Variants in LRIG3 observed in about 807,000 individuals in gnomAD.
LRIG3 encodes the protein leucine rich repeats and immunoglobulin like domains 3, also known as leucine-rich repeats and immunoglobulin-like domains protein 3.
In LRIG3, 76 loss-of-function variants were observed where a neutral mutation model predicts 114.5. The observed-to-expected ratio is 0.66, with a 90% confidence interval of 0.55 to 0.80. The LOEUF is 0.80. Ranked by LOEUF, LRIG3 falls within the 30% of genes least tolerant of loss-of-function variation. The pLI is 0.00. For missense variants in LRIG3, 1,239 were observed against 1,382.8 expected (o/e 0.90, Z 1.65); for synonymous variants, 512 against 519.8 (o/e 0.98, Z 0.20).
intron 1 of LRIG3, chr12:58,914,689 A>T: frequency 5.4e-6 from 1 of 186,820 alleles, no homozygotes; most frequent in Non-Finnish European, 1.1e-5. Flanking sequence ...AAAAGGAGCT[A>T]ATTAGGCAGG....
rs1197966275 is a variant in LRIG3 at position 58,879,014 on chromosome 12, G to A, written c.1893C>T (p.Ala631=). The A allele has an allele frequency of 6.2e-7, 1 of 1,614,162 alleles. No homozygotes were observed. Residue 631 remains alanine, a synonymous_variant, in exon 14 of 19, where the codon GCC becomes GCT. Coordinates refer to ENST00000320743, the MANE Select transcript of LRIG3 (RefSeq NM_153377.5). ...CATCCTTCTGCCAGGCTATCTGGGG[G>A]GCTGGGTGCCCCACAGCAGCACACT... ...RLECAAVGHP[A]PQIAWQKDGG...
Position 58,890,076 on chromosome 12 carries a change from T to C in LRIG3, c.579A>G (p.Thr193=), listed in dbSNP as rs748838619. Residue 193 remains threonine, a synonymous_variant, in exon 5 of 19, where the codon ACA becomes ACG. Transcript: ENST00000320743. Reference sequence around the variant, plus strand: ...TCCTGTTCAGCTTTAACACAAGGAGTGTGTTGGCCAAATTGTCAAAATACC... The same window carrying C: ...TCCTGTTCAGCTTTAACACAAGGAGCGTGTTGGCCAAATTGTCAAAATACC... ...EPGYFDNLAN[T]LLVLKLNRNR... 2.5e-6 allele frequency: 4 copies of C among 1,613,540 alleles called. No individual in the cohort carries two copies. In the Admixed American group the frequency reaches 5.0e-5, roughly 20 times the overall value.
At chr12:58,919,586 C>T in intron 1 of LRIG3, 1 of 1,535,260 alleles carries the variant, frequency 6.5e-7, no homozygotes, top group East Asian at 2.4e-5. Flanking sequence ...CAGCTAGAAA[C>T]TAAAACTGAA....
chr12:58,886,955 G>C, intron 8 of LRIG3, 65 bp from the exon 9 acceptor site: 1 of 1,230,784 alleles, frequency 8.1e-7, no homozygotes, highest in Non-Finnish European at 1.2e-6. Context: ...CACCACCCAG[G>C]TGGCATATCA....
chr12:58,909,768 GT>G, intron 3 of LRIG3, among the ~76,000 whole-genome samples: 1 of 152,354 alleles, frequency 6.6e-6, no homozygotes, highest in South Asian at 2.1e-4. Context: ...GGAGCCAAAA[GT>G]TAATTCCAGG....
In LRIG3 at chr12:58,874,318, T is replaced by C; in HGVS notation, c.2852A>G (p.Asp951Gly). Residue 951 changes from aspartate (D) to glycine (G), a missense_variant, in exon 18 of 19, where the codon GAC becomes GGC. Asp to Gly is a moderately conservative substitution (Grantham distance 94). Coordinates refer to ENST00000320743, the MANE Select transcript of LRIG3 (RefSeq NM_153377.5). ...GTGGTCCATTAAAACTGTTCTTGGG[T>C]CAGGACTGCAACCTTTTTAATATGG... is the stretch of plus-strand genomic sequence containing the variant. ...FETYHTGCSP[D>G]PRTVLMDHYE... is the part of the protein sequence containing the mutation. 6.2e-7 allele frequency: 1 copy of C among 1,610,388 alleles called. No individual in the cohort carries two copies. The highest frequency in any genetic ancestry group is 1.1e-5 in the South Asian group (1 of 90,450).
At position 58,898,918 on chromosome 12, in the gene LRIG3, A is replaced by T. The variant is rs926522459; in HGVS notation, c.384-8122T>A. Among the ~76,000 whole-genome samples the T allele has an allele frequency of 5.9e-5, 9 of 152,248 alleles. No homozygotes were observed. The East Asian group carries it at 1.7e-3, about 29-fold the overall frequency. On this transcript the variant is annotated intron_variant, in intron 3 of 18. Transcript: ENST00000320743. ...ATGATCCGCCTGCCTCAGCCTCCCA[A>T]AGTGCTGGGATTACAGGTGGGAGCC... is the stretch of plus-strand genomic sequence containing the variant.
intron 15 of LRIG3, among the ~76,000 whole-genome samples, chr12:58,877,054 A>G (rs1281358205): frequency 6.6e-6 from 1 of 152,206 alleles, no homozygotes; most frequent in Non-Finnish European, 1.5e-5. Context: ...ACGCACAGAC[A>G]ACAAGACATA....
intron 2 of LRIG3, 97 bp from the exon 3 acceptor site, chr12:58,914,153 C>G: frequency 6.6e-7 from 1 of 1,507,546 alleles, no homozygotes; most frequent in Non-Finnish European, 9.1e-7. Context: ...AGATACCACC[C>G]AAGTTAAAAG....
At chr12:58,887,702 G>A (rs528466192) in intron 8 of LRIG3, 87 bp downstream of exon 8, 2 of 1,422,480 alleles carry the variant, frequency 1.4e-6, no homozygotes, top group South Asian at 2.5e-5. Context: ...GCATTTCCTT[G>A]ACAACAAAGG....
In LRIG3 at chr12:58,879,094, A is replaced by T. The variant is rs1254923614; in HGVS notation, c.1813T>A (p.Phe605Ile). 6.2e-7 allele frequency: 1 copy of T among 1,611,776 alleles called. No homozygotes were observed. The highest frequency in any genetic ancestry group is 1.7e-5 in the Admixed American group (1 of 59,936). ...GTGAGATCCATGGGGGTCTTGGTGA[A>T]TGAGGGAAGCACTGAAATCAGAGAA... ...AKLTVNMLPS[F>I]TKTPMDLTIR... Residue 605 changes from phenylalanine (F) to isoleucine (I), a missense_variant, in exon 14 of 19, where the codon TTC (phenylalanine) becomes ATC (isoleucine). Physicochemically the swap from Phe to Ile is conservative, Grantham distance 21. Transcript: ENST00000320743.
intron 12 of LRIG3, among the ~76,000 whole-genome samples, chr12:58,881,756 C>T (rs1214961293): frequency 3.9e-5 from 6 of 152,164 alleles, no homozygotes; most frequent in Non-Finnish European, 8.8e-5. Flanking sequence ...ATAGGGGATG[C>T]TTTGATAACT....
intron 3 of LRIG3, among the ~76,000 whole-genome samples, chr12:58,900,696 G>A (rs1871814276): frequency 1.3e-5 from 2 of 152,168 alleles, no homozygotes; most frequent in Admixed American, 1.3e-4. Context: ...AGAAAACACT[G>A]CATCAGTTAT....
At chr12:58,873,039 C>T (rs1473285419) in intron 18 of LRIG3, among the ~76,000 whole-genome samples, 1 of 152,190 alleles carries the variant, frequency 6.6e-6, no homozygotes, top group Non-Finnish European at 1.5e-5. Context: ...ATCCACTGAA[C>T]AAATGCATCT....
intron 12 of LRIG3, among the ~76,000 whole-genome samples, chr12:58,882,560 A>C (rs1182055813): frequency 6.6e-6 from 1 of 152,116 alleles, no homozygotes; most frequent in Non-Finnish European, 1.5e-5. Flanking sequence ...GGATGCAGAG[A>C]CTAATATTTA....
At chr12:58,904,223 A>ATTC (rs1219055209) in intron 3 of LRIG3, among the ~76,000 whole-genome samples, 4 of 152,202 alleles carry the variant, frequency 2.6e-5, no homozygotes, top group Non-Finnish European at 4.4e-5. Context: ...GAGGACCCTG[A>ATTC]ACCTCTGCCC....
rs1383946594 is a variant in LRIG3 at position 58,877,821 on chromosome 12, G to A, written c.2115C>T (p.Asp705=). The A allele has an allele frequency of 1.2e-6, 2 of 1,602,402 alleles. No individual in the cohort carries two copies. The highest frequency in any genetic ancestry group is 2.7e-5 in the African/African-American group (2 of 74,690). The change falls in exon 15 of 19, where the codon GAC becomes GAT. Residue 705 remains aspartate, a synonymous_variant. Transcript: ENST00000320743. ...CTGTTTCTCCCTTGGTTACAGTTCG[G>A]TCCAACAGTGGCCGCAAAAATGATG... ...ETPSFLRPLL[D]RTVTKGETAV...
At chr12:58,905,532 G>A (rs1872029969) in intron 3 of LRIG3, among the ~76,000 whole-genome samples, 2 of 152,198 alleles carry the variant, frequency 1.3e-5, no homozygotes, top group South Asian at 4.1e-4. Context: ...GCAGTCCCCT[G>A]CTGTGGTTTT....
At position 58,872,702 on chromosome 12, in the gene LRIG3, A is replaced by G; in HGVS notation, c.3230T>C (p.Leu1077Ser). ...CCCATCTTCCTCTGACCCAGAGTCC[A>G]AGTCTGGGGAAGAATGAGCTTTCAA... is the stretch of plus-strand genomic sequence containing the variant. Reference protein sequence around the residue: ...FYLKAHSSPDLDSGSEEDGKE... With the variant: ...FYLKAHSSPDSDSGSEEDGKE... The change falls in exon 19 of 19, where the codon TTG becomes TCG. Residue 1077 changes from leucine to serine, a missense_variant. Coordinates refer to ENST00000320743, the MANE Select transcript of LRIG3 (RefSeq NM_153377.5). The G allele has an allele frequency of 6.2e-7, 1 of 1,614,100 alleles. No homozygotes were observed. The highest frequency in any genetic ancestry group is 8.5e-7 in the Non-Finnish European group (1 of 1,179,966).
Sources: allele counts gnomAD v4.1 joint callset (sites outside exome capture counted in the v4.1 genomes callset), GRCh38; gene constraint gnomAD v4.1.1; transcripts MANE v1.5; gene names NCBI Gene and HGNC (gene_info 2026-07-23, HGNC 2026-07-21).